Variants in CDC42BPA observed in about 807,000 individuals in gnomAD.
The protein encoded by CDC42BPA is serine/threonine-protein kinase MRCK alpha.
A neutral mutation model predicts 223.5 loss-of-function variants in CDC42BPA; 80 were observed. The ratio of observed to expected loss-of-function variants is 0.36; its 90% confidence interval spans 0.30 to 0.43. The LOEUF (loss-of-function observed/expected upper bound fraction) is 0.43. Among genes scored for constraint, CDC42BPA ranks in the 20% least tolerant of loss-of-function variants. The pLI, the probability that CDC42BPA is intolerant of heterozygous loss-of-function variation, is 1.00. For synonymous variants in CDC42BPA, 694 were observed against 718.6 expected, an observed-to-expected ratio of 0.97 and a Z score of 0.55; for missense variants, 1,743 against 2,099.9, an observed-to-expected ratio of 0.83 and a Z score of 3.32.
intron 32 of CDC42BPA, among the ~76,000 whole-genome samples, chr1:227,022,118 A>T (rs947234483): frequency 2.0e-5 from 3 of 152,068 alleles, no homozygotes; most frequent in African/African-American, 7.2e-5. Context: ...ATTTTTACTT[A>T]TATTTGTCTA....
intron 17 of CDC42BPA, among the ~76,000 whole-genome samples, chr1:227,080,051 T>G (rs890679660): frequency 3.9e-5 from 6 of 152,068 alleles, no homozygotes; most frequent in Non-Finnish European, 5.9e-5. Context: ...CATCACAAAG[T>G]CATGTCTAAA....
At chr1:227,002,379 C>T (rs902065621) in intron 35 of CDC42BPA, among the ~76,000 whole-genome samples, 1 of 152,216 alleles carries the variant, frequency 6.6e-6, no homozygotes, top group Non-Finnish European at 1.5e-5. Flanking sequence ...GTGGTCAGGG[C>T]TACATACTGG....
At chr1:227,007,784 C>T (rs1664379708) in intron 34 of CDC42BPA, among the ~76,000 whole-genome samples, 1 of 152,184 alleles carries the variant, frequency 6.6e-6, no homozygotes, top group Admixed American at 6.5e-5. Context: ...TATGTTTATT[C>T]ATGACTTATG....
chr1:227,100,781 T>TGCGC (rs1558497821), intron 15 of CDC42BPA, among the ~76,000 whole-genome samples: 10 of 149,788 alleles, frequency 6.7e-5, no homozygotes, highest in African/African-American at 1.5e-4. Context: ...TGTGTGTGCG[T>TGCGC]GTGCCATCAT....
intron 1 of CDC42BPA, among the ~76,000 whole-genome samples, chr1:227,278,366 A>G (rs1267743504): frequency 1.3e-5 from 2 of 152,254 alleles, no homozygotes; most frequent in African/African-American, 4.8e-5. Context: ...ATGAAAATTT[A>G]TGGAAAATGT....
At chr1:227,242,815 T>C (rs1335684752) in intron 2 of CDC42BPA, among the ~76,000 whole-genome samples, 1 of 152,180 alleles carries the variant, frequency 6.6e-6, no homozygotes. Flanking sequence ...AACAATCCCA[T>C]TACTTGGGTA....
intron 12 of CDC42BPA, among the ~76,000 whole-genome samples, chr1:227,115,515 CAAAA>C (rs11355371): frequency 1.4e-5 from 2 of 145,036 alleles, no homozygotes; most frequent in Admixed American, 6.8e-5. Context: ...ACCAGGTAGG[CAAAA>C]AAAAAAAAAT....
chr1:227,247,234 A>C (rs930513172), intron 2 of CDC42BPA, among the ~76,000 whole-genome samples: 3 of 151,824 alleles, frequency 2.0e-5, no homozygotes, highest in South Asian at 2.1e-4. Context: ...GCAGTGGCTC[A>C]TGCCTGTAAT....
In CDC42BPA at chr1:227,033,315, T is replaced by C; in HGVS notation, c.3558+19A>G. 1 of 1,526,988 alleles carries C rather than the reference T, an allele frequency of 6.5e-7. No homozygotes were observed. Among genetic ancestry groups the C allele is most frequent in the Non-Finnish European group, 9.1e-7 (1 of 1,101,130 alleles). The allele number at this position is 1,526,988 out of a possible 1,614,324, so 94.6% of individuals were successfully genotyped here. ...AAAAACACATAATTCAGTGATCAAA[T>C]TACAGCATACACACTTACCCTAAAT... is the stretch of plus-strand genomic sequence containing the variant. On this transcript the variant is annotated intron_variant, in intron 27 of 36. Transcript: ENST00000366766.
In CDC42BPA at chr1:227,191,434, AT is replaced by A. The variant is rs572396277; in HGVS notation, c.599+2351del. Among the ~76,000 whole-genome samples, 10 of 152,286 alleles carry A rather than the reference AT, an allele frequency of 6.6e-5. No individual in the cohort carries two copies. The East Asian group carries it at 1.9e-3, about 29-fold the overall frequency. On this transcript the variant is annotated intron_variant, in intron 5 of 36. Coordinates refer to ENST00000366766, the MANE Select transcript of CDC42BPA (RefSeq NM_001394014.1). Reference sequence around the variant, plus strand: ...CCCAACAATGGAATAAATACGATTCATTTAAAAGTACCTTGTAAAATTAGAT... The same window carrying A: ...CCCAACAATGGAATAAATACGATTCATTAAAAGTACCTTGTAAAATTAGAT...
chr1:227,110,489 A>T (rs1686736489), intron 14 of CDC42BPA, among the ~76,000 whole-genome samples: 1 of 152,224 alleles, frequency 6.6e-6, no homozygotes, highest in Non-Finnish European at 1.5e-5. Flanking sequence ...AAACCATTAG[A>T]TAAATCATGT....
At chr1:227,114,488 C>A (rs1687465690) in intron 12 of CDC42BPA, among the ~76,000 whole-genome samples, 1 of 148,720 alleles carries the variant, frequency 6.7e-6, no homozygotes. Flanking sequence ...AGATCTAATG[C>A]AAGAGAAATG....
intron 17 of CDC42BPA, among the ~76,000 whole-genome samples, chr1:227,075,260 T>TA (rs1679222090): frequency 6.6e-6 from 1 of 152,196 alleles, no homozygotes; most frequent in African/African-American, 2.4e-5. Flanking sequence ...TGTCTTCAGA[T>TA]AAAATCCAGG....
intron 5 of CDC42BPA, among the ~76,000 whole-genome samples, chr1:227,178,018 A>C (rs1667265352): frequency 1.3e-5 from 2 of 151,946 alleles, no homozygotes; most frequent in African/African-American, 4.8e-5. Context: ...TATTGCTGAG[A>C]TACTTCTATC....
chr1:227,139,728 C>T lies in CDC42BPA; in HGVS notation c.1238G>A (p.Arg413Gln), dbSNP rs777832161. ...ACCAGCCGTAACTCTTAAACAGCTC[C>T]GATCAGAAAGTACACTGAAGAAAAG... Reference protein sequence around the residue: ...TYTSSCVLSDRSCLRVTAGPT... With the variant: ...TYTSSCVLSDQSCLRVTAGPT... The change falls in exon 10 of 37, where the codon CGG (arginine) becomes CAG (glutamine). Residue 413 changes from arginine to glutamine, a missense_variant. Around this residue, in one of 6 missense-constraint regions of CDC42BPA, gnomAD observed 464 missense variants for 488.0 expected, o/e 0.95. Transcript: ENST00000366766. 9 of 1,541,970 alleles carry T rather than the reference C, an allele frequency of 5.8e-6. No homozygotes were observed. Among genetic ancestry groups the T allele is most frequent in the South Asian group, 2.7e-5 (2 of 75,442 alleles).
At chr1:227,082,576 G>A (rs193084468) in intron 16 of CDC42BPA, among the ~76,000 whole-genome samples, 218 of 151,878 alleles carry the variant, frequency 1.4e-3, no homozygotes, top group African/African-American at 4.1e-3. Context: ...TTAGCCAGAC[G>A]TGGTGGCATG....
chr1:227,097,127 A>G (rs1428279059), intron 15 of CDC42BPA, among the ~76,000 whole-genome samples: 2 of 152,102 alleles, frequency 1.3e-5, no homozygotes, highest in Non-Finnish European at 1.5e-5. Context: ...CCAATCATCT[A>G]TAATTTCTAT....
At chr1:227,243,760 A>T (rs1038877441) in intron 2 of CDC42BPA, among the ~76,000 whole-genome samples, 23 of 69,816 alleles carry the variant, frequency 3.3e-4, no homozygotes, top group African/African-American at 1.2e-3. Context: ...GATTTGTCAC[A>T]CACACACACA....
At chr1:227,233,993 T>C (rs1366692498) in intron 2 of CDC42BPA, among the ~76,000 whole-genome samples, 3 of 151,978 alleles carry the variant, frequency 2.0e-5, no homozygotes, top group Admixed American at 6.6e-5. Context: ...CTGCAGCATG[T>C]AGAATTCTCT....
Sources: allele counts gnomAD v4.1 joint callset (sites outside exome capture counted in the v4.1 genomes callset), GRCh38; gene constraint gnomAD v4.1.1; regional missense constraint gnomAD v4.1.1; transcripts MANE v1.5; gene names NCBI Gene and HGNC (gene_info 2026-07-23, HGNC 2026-07-21).